Variants in CA12 observed in about 807,000 individuals in gnomAD.
The protein encoded by CA12 is carbonic anhydrase 12.
Under a neutral mutation model 46.8 loss-of-function variants are expected in CA12, and 36 were observed. The ratio of observed to expected loss-of-function variants is 0.77; its 90% CI spans 0.59 to 1.02. The LOEUF (loss-of-function observed/expected upper bound fraction) is 1.02. CA12 is among the 50% of genes least tolerant of loss of function. The pLI, the probability that CA12 is intolerant of heterozygous loss-of-function variation, is 0.00. For missense variants in CA12, 436 were observed against 451.4 expected, an observed-to-expected ratio of 0.97 and a Z score of 0.31; for synonymous variants, 202 against 187.0, an observed-to-expected ratio of 1.08 and a Z score of -0.65.
intron 3 of CA12, 116 bp downstream of exon 3, chr15:63,346,414 C>T: frequency 1.3e-6 from 1 of 745,212 alleles, no homozygotes; most frequent in Non-Finnish European, 2.4e-6. Flanking sequence ...CGCCCCGCCC[C>T]ACCCCTCCTC....
rs192144326 is a variant in CA12 at position 63,337,560 on chromosome 15, G to A, written c.874+1259C>T. On this transcript the variant is annotated intron_variant, in intron 8 of 10. Transcript: ENST00000178638. ...CAACCTCTGCCTCCTGGGTTCAAGC[G>A]ATTCTCCTGCCTCAGCCTCTTGAGT... Among the ~76,000 whole-genome samples the A allele has an allele frequency of 4.6e-3, 701 of 152,212 alleles. 5 individuals are homozygous for A. The highest frequency in any genetic ancestry group is 0.017 in the Middle Eastern group (5 of 294).
chr15:63,333,780 C>T (rs1375771451), intron 8 of CA12, among the ~76,000 whole-genome samples: 6 of 152,150 alleles, frequency 3.9e-5, no homozygotes, highest in East Asian at 1.9e-4. Context: ...TTTGCCCTTG[C>T]GGTTTGCTGC....
chr15:63,326,301 G>T lies in CA12; in HGVS notation c.1049C>A (p.Thr350Asn), dbSNP rs781359858. ...CCGGGGACCTCAAGCGTGGGCCTCA[G>T]TCTCCATCTTGGTGGCTGGCTTGTA... The part of the protein sequence containing the change: ...VIYKPATKME[T>N]EAHA The change falls in exon 11 of 11, where the codon ACT (threonine) becomes AAT (asparagine). Residue 350 changes from threonine to asparagine, a missense_variant. Physicochemically the swap from Thr to Asn is moderately conservative, Grantham distance 65. Coordinates refer to ENST00000178638, the MANE Select transcript of CA12 (RefSeq NM_001218.5). The T allele has an allele frequency of 1.2e-6, 2 of 1,613,948 alleles. No individual in the cohort carries two copies. The highest frequency in any genetic ancestry group is 1.7e-5 in the Admixed American group (1 of 60,000).
chr15:63,356,666 A>C (rs1311345004), intron 2 of CA12, among the ~76,000 whole-genome samples: 6 of 151,916 alleles, frequency 3.9e-5, no homozygotes, highest in Admixed American at 2.0e-4. Context: ...GGGATTACAG[A>C]TGCACATCAC....
At chr15:63,370,780 A>G (rs1268250212) in intron 2 of CA12, among the ~76,000 whole-genome samples, 2 of 151,868 alleles carry the variant, frequency 1.3e-5, no homozygotes, top group African/African-American at 4.9e-5. Context: ...CTCAAAAAAA[A>G]AAAGAAAAAA....
intron 2 of CA12, among the ~76,000 whole-genome samples, chr15:63,363,423 C>T (rs1383145217): frequency 6.6e-6 from 1 of 152,206 alleles, no homozygotes; most frequent in Non-Finnish European, 1.5e-5. Context: ...GAGCACCTCC[C>T]CTGGGCCAGG....
rs577788731 is a variant in CA12 at position 63,370,123 on chromosome 15, A to G, written c.106+5535T>C. ...AGGGGGTCGGATTTCTAACCCCAGCAGAAATCCATGGGATTTGGGGATAGG... is the reference window on the plus strand; with the variant it reads ...AGGGGGTCGGATTTCTAACCCCAGCGGAAATCCATGGGATTTGGGGATAGG... On this transcript the variant is annotated intron_variant, in intron 2 of 10. Transcript: ENST00000178638. 2.0e-5 allele frequency among the ~76,000 whole-genome samples: 3 copies of G among 152,306 alleles called. No homozygotes were observed. In the East Asian group the frequency reaches 5.8e-4, roughly 29 times the overall value.
rs141310681 is a variant in CA12, at chr15:63,340,760, A to T, written c.549T>A (p.Tyr183Ter). 6.8e-6 allele frequency: 11 copies of T among 1,614,138 alleles called. No homozygotes were observed. Among genetic ancestry groups the T allele is most frequent in the East Asian group, 2.2e-5 (1 of 44,894 alleles). Reference sequence around the variant, plus strand: ...GTTGAAGGTGACTGAAGATCTTGTCATAGGACGGATTGAAGGAGCCCATCT... The same window carrying T: ...GTTGAAGGTGACTGAAGATCTTGTCTTAGGACGGATTGAAGGAGCCCATCT... ...LIEMGSFNPS[Y>*]DKIFSHLQHV... The change falls in exon 6 of 11, where the codon TAT becomes TAA. Residue 183 changes from tyrosine (Y) to a stop codon, truncating the protein, a stop_gained. Coordinates refer to ENST00000178638, the MANE Select transcript of CA12 (RefSeq NM_001218.5). LOFTEE classifies it high-confidence loss of function. The surrounding 1 kb of genome is among the most constrained non-coding windows in gnomAD (Gnocchi z 4.4).
chr15:63,361,576 A>G (rs1027970210), intron 2 of CA12, among the ~76,000 whole-genome samples: 4 of 152,170 alleles, frequency 2.6e-5, no homozygotes, highest in Non-Finnish European at 5.9e-5. Context: ...AAATATCCAC[A>G]GGGAAGAGAC....
rs913965139 is a variant in CA12, at chr15:63,328,731, C to T, written c.875-601G>A. 1.3e-5 allele frequency among the ~76,000 whole-genome samples: 2 copies of T among 152,042 alleles called. No individual in the cohort carries two copies. Among genetic ancestry groups the T allele is most frequent in the Admixed American group, 1.3e-4 (2 of 15,266 alleles). On this transcript the variant is annotated intron_variant, in intron 8 of 10. Transcript: ENST00000178638. This position sits in a 1 kb window ranked among gnomAD's most constrained non-coding sequence, Gnocchi z 5.9. ...TTGTGTTTTTTTTGAGACAGAGTCT[C>T]GCTCTGTCACACATGCTGGAGTGCA...
At chr15:63,370,570 C>T (rs1863915189) in intron 2 of CA12, among the ~76,000 whole-genome samples, 1 of 151,908 alleles carries the variant, frequency 6.6e-6, no homozygotes, top group Non-Finnish European at 1.5e-5. Context: ...GTCAGGAGTT[C>T]GAGACCAGCC....
chr15:63,378,585 C>A lies in CA12; in HGVS notation c.86-2907G>T, dbSNP rs1402031658. On this transcript the variant is annotated intron_variant, in intron 1 of 10. Coordinates refer to ENST00000178638, the MANE Select transcript of CA12 (RefSeq NM_001218.5). The surrounding 1 kb of genome is among the most constrained non-coding windows in gnomAD (Gnocchi z 4.8). ...GTATGTGACCCCCAAGTTTACTGCTCACCCCTTTGCTGAAACAACAATGAA... is the reference window on the plus strand; with the variant it reads ...GTATGTGACCCCCAAGTTTACTGCTAACCCCTTTGCTGAAACAACAATGAA... 6.6e-6 allele frequency among the ~76,000 whole-genome samples: 1 copy of A among 152,030 alleles called. No individual in the cohort carries two copies. Among genetic ancestry groups the A allele is most frequent in the Non-Finnish European group, 1.5e-5 (1 of 68,018 alleles).
In CA12 at chr15:63,339,091, A is replaced by G; in HGVS notation, c.748-146T>C. ...CCGGGTGGGAGATATTAGAAAGCAG[A>G]GGGAAAGCCACAGAACTGCTTCCCT... On this transcript the variant is annotated intron_variant, in intron 7 of 10. Transcript: ENST00000178638. This position sits in a 1 kb window ranked among gnomAD's most constrained non-coding sequence, Gnocchi z 4.3. 9.8e-7 allele frequency: 1 copy of G among 1,025,190 alleles called. No homozygotes were observed. Among genetic ancestry groups the G allele is most frequent in the Non-Finnish European group, 1.5e-6 (1 of 682,142 alleles). The allele number at this position is 1,025,190 out of a possible 1,614,324, so 63.5% of individuals were successfully genotyped here. A position where few individuals can be genotyped will look rare whatever the true frequency, so the allele number is the denominator to read the frequency against.
intron 2 of CA12, among the ~76,000 whole-genome samples, chr15:63,358,597 T>G (rs542266357): frequency 6.6e-6 from 1 of 152,304 alleles, no homozygotes; most frequent in East Asian, 1.9e-4. Context: ...GTGAAGAGTG[T>G]GAAGCGGTAG....
In CA12 at chr15:63,340,836, C is replaced by T; in HGVS notation, c.526-53G>A. On this transcript the variant is annotated intron_variant, in intron 5 of 10. Coordinates refer to ENST00000178638, the MANE Select transcript of CA12 (RefSeq NM_001218.5). The surrounding 1 kb of genome is among the most constrained non-coding windows in gnomAD (Gnocchi z 4.4). ...TGGGACAGAACAGGATAGGCTGAGC[C>T]AGGATTGACGATTGCTATCAGAAGG... The T allele has an allele frequency of 1.5e-5, 23 of 1,532,560 alleles. No individual in the cohort carries two copies. Among genetic ancestry groups the T allele is most frequent in the Middle Eastern group, 3.4e-4 (2 of 5,884 alleles). The allele number at this position is 1,532,560 out of a possible 1,614,324, so 94.9% of individuals were successfully genotyped here.
chr15:63,352,657 AC>A (rs1433567637), intron 2 of CA12, among the ~76,000 whole-genome samples: 3 of 152,162 alleles, frequency 2.0e-5, no homozygotes, highest in Non-Finnish European at 4.4e-5. Flanking sequence ...GGCTACCAAC[AC>A]GCAGTCAGAT....
chr15:63,350,379 C>T lies in CA12; in HGVS notation c.107-3670G>A, dbSNP rs151006498. 9.8e-3 allele frequency among the ~76,000 whole-genome samples: 1,495 copies of T among 152,336 alleles called. 11 individuals carry two copies. Among genetic ancestry groups the T allele is most frequent in the Middle Eastern group, 0.031 (9 of 294 alleles). ...TCAGCTTTCACACTCATGCCAAGTG[C>T]TCCACTGCCAGAAATCCTCCACTGG... On this transcript the variant is annotated intron_variant, in intron 2 of 10. Coordinates refer to ENST00000178638, the MANE Select transcript of CA12 (RefSeq NM_001218.5).
In CA12 at chr15:63,345,669, G is replaced by C; in HGVS notation, c.287-50C>G. ...TCAGAGCCCCGGCCAGCTGTGCACT[G>C]CCAGAGAGCAGTCAGGTAGGCAATG... is the stretch of plus-strand genomic sequence containing the variant. On this transcript the variant is annotated intron_variant, in intron 3 of 10. Transcript: ENST00000178638. This position sits in a 1 kb window ranked among gnomAD's most constrained non-coding sequence, Gnocchi z 4.3. 6.3e-7 allele frequency: 1 copy of C among 1,588,666 alleles called. No homozygotes were observed. Among genetic ancestry groups the C allele is most frequent in the East Asian group, 2.3e-5 (1 of 43,976 alleles).
chr15:63,379,150 A>G (rs773802568), intron 1 of CA12: 7 of 152,232 alleles, frequency 4.6e-5, no homozygotes, highest in Non-Finnish European at 7.3e-5. Flanking sequence ...AGCAGCCTCC[A>G]GAGCAACATT....
Sources: allele counts gnomAD v4.1 joint callset (sites outside exome capture counted in the v4.1 genomes callset), GRCh38; gene constraint gnomAD v4.1.1; non-coding constraint Gnocchi (gnomAD v3.1); transcripts MANE v1.5; gene names NCBI Gene and HGNC (gene_info 2026-07-23, HGNC 2026-07-21).